The following RACK1 variants were observed in gnomAD, a reference collection of about 807,000 sequenced individuals.
The protein encoded by RACK1 is receptor for activated C kinase 1, also known as small ribosomal subunit protein RACK1.
In RACK1, 3 loss-of-function variants were observed where a neutral mutation model predicts 42.2. The ratio of observed to expected loss-of-function variants is 0.07; its 90% CI spans 0.03 to 0.18. The LOEUF (loss-of-function observed/expected upper bound fraction) is 0.18. Among genes scored for constraint, RACK1 ranks in the 10% least tolerant of loss-of-function variants. The probability of loss-of-function intolerance (pLI) is 1.00; values close to 1 mark genes in which losing one functional copy is unlikely to be tolerated. For synonymous variants in RACK1, 181 were observed against 154.8 expected, an observed-to-expected ratio of 1.17 and a Z score of -1.25; for missense variants, 146 against 403.2, an observed-to-expected ratio of 0.36 and a Z score of 5.46.
At chr5:181,243,542 GCCCCAATTCAC>G in intron 1 of RACK1, 139 bp downstream of exon 1, 1 of 1,390,332 alleles carries the variant, frequency 7.2e-7, no homozygotes, top group Non-Finnish European at 9.7e-7. Context: ...GGGTCCGCAC[GCCCCAATTCAC>G]AATGGGGCAG....
chr5:181,242,091 C>T (rs1759368637), intron 2 of RACK1, 83 bp downstream of exon 2: 4 of 1,265,462 alleles, frequency 3.2e-6, no homozygotes, highest in East Asian at 2.3e-5. Flanking sequence ...CTGGATCTCC[C>T]CTGGGAAACC....
In RACK1 at chr5:181,238,832, CAACAAAA is replaced by C. The variant is rs1759234754; in HGVS notation, c.636+228_636+234del. The C allele has an allele frequency of 2.6e-5, 10 of 385,920 alleles. No individual in the cohort carries two copies. The South Asian group carries it at 2.6e-4, about 10-fold the overall frequency. 23.9% of individuals were successfully genotyped at this position (385,920 alleles called of 1,614,324 possible). A position where few individuals can be genotyped will look rare whatever the true frequency, so the allele number is the denominator to read the frequency against. On this transcript the variant is annotated intron_variant, in intron 5 of 7. Coordinates refer to ENST00000512805, the MANE Select transcript of RACK1 (RefSeq NM_006098.5). ...AACAAAAAACAAACAAACAAAAAAACAACAAAAAAAACCCACAGGCTTATAGAAAATC... is the reference window on the plus strand; with the variant it reads ...AACAAAAAACAAACAAACAAAAAAACAAAACCCACAGGCTTATAGAAAATC...
At position 181,238,574 on chromosome 5, in the gene RACK1, G is replaced by A. The variant is rs1372564136; in HGVS notation, c.637-335C>T. ...AATCCCAGCACTTTGGGAAGCCGAG[G>A]TGGGCGGATCACCTGAGGTCAGGAG... On this transcript the variant is annotated intron_variant, in intron 5 of 7. Coordinates refer to ENST00000512805, the MANE Select transcript of RACK1 (RefSeq NM_006098.5). The A allele has an allele frequency of 1.2e-5, 4 of 339,268 alleles. No individual in the cohort carries two copies. The East Asian group carries it at 3.2e-4, about 27-fold the overall frequency. 21.0% of individuals were successfully genotyped at this position (339,268 alleles called of 1,614,324 possible). A position where few individuals can be genotyped will look rare whatever the true frequency, so the allele number is the denominator to read the frequency against.
At chr5:181,239,835 A>AGGAGTTT (rs1364663098) in intron 3 of RACK1, among the ~76,000 whole-genome samples, 3 of 152,346 alleles carry the variant, frequency 2.0e-5, no homozygotes, top group Admixed American at 2.0e-4. Context: ...ACCTGAGGTC[A>AGGAGTTT]GGAGTTTGAG....
chr5:181,238,491 A>C, intron 5 of RACK1: 2 of 442,748 alleles, frequency 4.5e-6, no homozygotes, highest in Non-Finnish European at 8.2e-6. Flanking sequence ...CAGGATCCCA[A>C]TCTCATCAAC....
At chr5:181,237,175 T>A (rs1362647238) in intron 7 of RACK1, 133 bp from the exon 8 acceptor site, 1 of 1,512,404 alleles carries the variant, frequency 6.6e-7, no homozygotes, top group African/African-American at 1.4e-5. Context: ...AGGGGTGCGA[T>A]CCTGGCTCAC....
chr5:181,239,336 CA>C (rs755223375), intron 4 of RACK1, 150 bp downstream of exon 4: 2 of 763,784 alleles, frequency 2.6e-6, no homozygotes, highest in Non-Finnish European at 4.8e-6. Flanking sequence ...ATATCCAATG[CA>C]GTGTGCTGAC....
chr5:181,243,561 C>T, intron 1 of RACK1, 131 bp downstream of exon 1: 1 of 1,410,168 alleles, frequency 7.1e-7, no homozygotes, highest in Non-Finnish European at 9.6e-7. Context: ...CACAATGGGG[C>T]AGAGAAGTCT....
At chr5:181,239,361 C>T (rs756729180) in intron 4 of RACK1, 126 bp downstream of exon 4, 1 of 797,760 alleles carries the variant, frequency 1.3e-6, no homozygotes, top group Non-Finnish European at 2.2e-6. Flanking sequence ...CAAGGGACAT[C>T]AGACCATGTG....
intron 3 of RACK1, chr5:181,241,171 G>T: frequency 4.8e-6 from 1 of 210,172 alleles, no homozygotes. Context: ...GCTCACGCCT[G>T]TAATCCCAAC....
rs777449136 is a variant in RACK1 at position 181,243,846 on chromosome 5, G to T, written c.-46C>A. On this transcript the variant is annotated 5_prime_UTR_variant, in exon 1 of 8. Coordinates refer to ENST00000512805, the MANE Select transcript of RACK1 (RefSeq NM_006098.5). ...TCGCTGCAGCGACGAGGATGGCACT[G>T]GATGGCTTAGAGAAACTAGCACCAC... 3.2e-6 allele frequency: 5 copies of T among 1,557,544 alleles called. No individual in the cohort carries two copies. The highest frequency in any genetic ancestry group is 2.7e-5 in the African/African-American group (2 of 73,416).
intron 4 of RACK1, 73 bp downstream of exon 4, chr5:181,239,414 C>T: frequency 9.3e-6 from 10 of 1,070,822 alleles, no homozygotes; most frequent in Non-Finnish European, 1.3e-5. Flanking sequence ...AAGCTTTCCA[C>T]AGGACTTGGA....
rs146608631 is a variant in RACK1 at position 181,238,469 on chromosome 5, A to G, written c.637-230T>C. 5.7e-5 allele frequency: 28 copies of G among 490,320 alleles called. No homozygotes were observed. In the East Asian group the frequency reaches 9.8e-4, roughly 17 times the overall value. 30.4% of individuals were successfully genotyped at this position (490,320 alleles called of 1,614,324 possible). ...CCAACTTACATAAATCACTCCAATC[A>G]TTTCTGAAAACCAGGATCCCAATCT... On this transcript the variant is annotated intron_variant, in intron 5 of 7. Coordinates refer to ENST00000512805, the MANE Select transcript of RACK1 (RefSeq NM_006098.5).
Position 181,239,590 on chromosome 5 carries a change from A to G in RACK1, c.430-8T>C. 6.3e-7 allele frequency: 1 copy of G among 1,598,832 alleles called. No homozygotes were observed. Among genetic ancestry groups the G allele is most frequent in the Non-Finnish European group, 8.6e-7 (1 of 1,166,210 alleles). On this transcript the variant is annotated splice_polypyrimidine_tract_variant and splice_region_variant and intron_variant, in intron 3 of 7. Transcript: ENST00000512805. ...CTCTGAGTGGCTCTCATCCTACAGAAGATGGAAAGGAAATTAGGGCAAACA... is the reference window on the plus strand; with the variant it reads ...CTCTGAGTGGCTCTCATCCTACAGAGGATGGAAAGGAAATTAGGGCAAACA...
At chr5:181,241,976 A>C in intron 2 of RACK1, 198 bp downstream of exon 2, 1 of 779,150 alleles carries the variant, frequency 1.3e-6, no homozygotes, top group Non-Finnish European at 2.3e-6. Flanking sequence ...TGCACCTGGC[A>C]AAAATGTTCA....
chr5:181,237,822 C>T, intron 6 of RACK1, 103 bp from the exon 7 acceptor site: 1 of 752,400 alleles, frequency 1.3e-6, no homozygotes. Flanking sequence ...ATTTTGCTCC[C>T]TGGGGTCCAT....
At chr5:181,243,395 C>T in intron 1 of RACK1, 1 of 1,436,134 alleles carries the variant, frequency 7.0e-7, no homozygotes, top group Non-Finnish European at 9.3e-7. Context: ...GCCCGTAGGC[C>T]CCCGGCCACA....
chr5:181,243,079 T>C (rs1404671440), intron 1 of RACK1: 1 of 379,630 alleles, frequency 2.6e-6, no homozygotes, highest in African/African-American at 2.1e-5. Flanking sequence ...TGGATGCTTT[T>C]ACTGAAACCT....
In RACK1 at chr5:181,239,047, G is replaced by T; in HGVS notation, c.636+20C>A. On this transcript the variant is annotated intron_variant, in intron 5 of 7. Coordinates refer to ENST00000512805, the MANE Select transcript of RACK1 (RefSeq NM_006098.5). ...TGACGCTGTCTTCCACTGAGTAGGA[G>T]ACGCCTTGTCCCCAAATACCTTGCC... 1 of 1,498,022 alleles carries T rather than the reference G, an allele frequency of 6.7e-7. No individual in the cohort carries two copies. The highest frequency in any genetic ancestry group is 1.1e-5 in the South Asian group (1 of 88,804). The allele number at this position is 1,498,022 out of a possible 1,614,324, so 92.8% of individuals were successfully genotyped here.
Sources: allele counts gnomAD v4.1 joint callset (sites outside exome capture counted in the v4.1 genomes callset), GRCh38; gene constraint gnomAD v4.1.1; transcripts MANE v1.5; gene names NCBI Gene and HGNC (gene_info 2026-07-23, HGNC 2026-07-21).